C12orf42: variants seen among roughly 807,000 people sequenced by gnomAD.
The protein encoded by C12orf42 is chromosome 12 open reading frame 42, also known as uncharacterized protein C12orf42.
In C12orf42, 25 loss-of-function variants were observed where a neutral mutation model predicts 21.6. The ratio of observed to expected loss-of-function variants is 1.16; its 90% CI spans 0.84 to 1.62. C12orf42 has a LOEUF of 1.62. C12orf42 is among the 40% of genes most tolerant of loss of function. The pLI, the probability that C12orf42 is intolerant of heterozygous loss-of-function variation, is 0.00. For synonymous variants in C12orf42, 174 were observed against 175.0 expected, an observed-to-expected ratio of 0.99 and a Z score of 0.05; for missense variants, 483 against 459.3, an observed-to-expected ratio of 1.05 and a Z score of -0.47.
intron 3 of C12orf42, among the ~76,000 whole-genome samples, chr12:103,394,935 A>G (rs2047389449): frequency 6.6e-6 from 1 of 152,206 alleles, no homozygotes; most frequent in South Asian, 2.1e-4. Context: ...AACTAAACAC[A>G]GCAATAGAAA....
chr12:103,301,186 A>C (rs1011746981), downstream of C12orf42, among the ~76,000 whole-genome samples: 1 of 152,190 alleles, frequency 6.6e-6, no homozygotes, highest in Admixed American at 6.5e-5. Context: ...ACTGAAGAAA[A>C]AAAAATTTTT....
downstream of C12orf42, among the ~76,000 whole-genome samples, chr12:103,301,600 A>C (rs34757555): frequency 4.6e-3 from 707 of 152,320 alleles, 1 homozygote; most frequent in Admixed American, 6.9e-3. Flanking sequence ...GGTTTCTGAC[A>C]TTAAATCCTT....
At chr12:103,070,638 A>G in the C12orf42 span, among the ~76,000 whole-genome samples, 2 of 152,140 alleles carry the variant, frequency 1.3e-5, no homozygotes, top group African/African-American at 4.8e-5. Context: ...TCATACGACC[A>G]CAAATTGTTC....
the C12orf42 span, among the ~76,000 whole-genome samples, chr12:103,104,817 C>G: frequency 6.6e-6 from 1 of 152,212 alleles, no homozygotes; most frequent in African/African-American, 2.4e-5. Flanking sequence ...CCTGAGGCAT[C>G]CACATAAGGT....
intron 4 of C12orf42, among the ~76,000 whole-genome samples, chr12:103,318,769 CCA>C (rs1233655936): frequency 6.6e-6 from 1 of 152,120 alleles, no homozygotes; most frequent in Non-Finnish European, 1.5e-5. Context: ...CTTGGAGAAT[CCA>C]CAATGTCAAT....
At chr12:103,433,124 T>C (rs1179671851) in intron 2 of C12orf42, among the ~76,000 whole-genome samples, 5 of 152,212 alleles carry the variant, frequency 3.3e-5, no homozygotes, top group East Asian at 1.9e-4. Context: ...CAGTAGGATA[T>C]AGATACATTT....
chr12:103,272,268 C>A (rs1010817572), intron 5 of C12orf42, among the ~76,000 whole-genome samples: 1 of 152,048 alleles, frequency 6.6e-6, no homozygotes, highest in Non-Finnish European at 1.5e-5. Flanking sequence ...ATTATGTTGG[C>A]ATTAAAGGAG....
At chr12:103,549,260 C>G in the C12orf42 span, among the ~76,000 whole-genome samples, 1 of 152,038 alleles carries the variant, frequency 6.6e-6, no homozygotes, top group East Asian at 1.9e-4. Flanking sequence ...TTATTTTTTT[C>G]TCAACTTTTT....
At chr12:103,547,631 C>T in the C12orf42 span, among the ~76,000 whole-genome samples, 1 of 152,232 alleles carries the variant, frequency 6.6e-6, no homozygotes, top group African/African-American at 2.4e-5. Flanking sequence ...TGATCTGCTT[C>T]AGGGGCTGAA....
At chr12:103,417,624 T>C (rs563993947) in intron 2 of C12orf42, among the ~76,000 whole-genome samples, 2 of 152,218 alleles carry the variant, frequency 1.3e-5, no homozygotes, top group African/African-American at 2.4e-5. Context: ...CAATCTTAAT[T>C]ACCTAAGAGA....
chr12:103,435,626 C>T (rs928851048), intron 2 of C12orf42, among the ~76,000 whole-genome samples: 5 of 151,746 alleles, frequency 3.3e-5, no homozygotes, highest in Non-Finnish European at 2.9e-5. Context: ...GGAGCCGATG[C>T]GATCAACTGG....
At chr12:103,311,197 C>CGT (rs143631316) in intron 4 of C12orf42, among the ~76,000 whole-genome samples, 113 of 150,854 alleles carry the variant, frequency 7.5e-4, no homozygotes, top group African/African-American at 2.4e-3. Flanking sequence ...TATGCATGTG[C>CGT]GTGTGTGTGT....
the C12orf42 span, among the ~76,000 whole-genome samples, chr12:103,126,319 T>C: frequency 6.6e-6 from 1 of 152,228 alleles, no homozygotes; most frequent in African/African-American, 2.4e-5. Flanking sequence ...AGCTCTGGCA[T>C]TTTCCGTGTC....
At chr12:103,099,283 A>G in the C12orf42 span, among the ~76,000 whole-genome samples, 1 of 152,260 alleles carries the variant, frequency 6.6e-6, no homozygotes, top group Non-Finnish European at 1.5e-5. Context: ...TGTGATGTGG[A>G]TTACCTAACT....
chr12:103,399,377 T>G (rs778334408), intron 3 of C12orf42, among the ~76,000 whole-genome samples: 8 of 152,114 alleles, frequency 5.3e-5, no homozygotes, highest in Middle Eastern at 3.4e-3. Flanking sequence ...GTTTATTTGT[T>G]TGTTTGTTTG....
the C12orf42 span, among the ~76,000 whole-genome samples, chr12:103,562,812 A>G: frequency 1.3e-5 from 2 of 152,088 alleles, no homozygotes; most frequent in Non-Finnish European, 2.9e-5. Context: ...ACTCCCTTCC[A>G]CACCTCACCT....
At chr12:103,250,617 G>A (rs1427949088) in intron 10 of C12orf42, among the ~76,000 whole-genome samples, 3 of 152,100 alleles carry the variant, frequency 2.0e-5, no homozygotes, top group Non-Finnish European at 4.4e-5. Flanking sequence ...GAGGATAAAA[G>A]CAAATTAAAC....
intron 4 of C12orf42, among the ~76,000 whole-genome samples, chr12:103,309,311 T>A (rs987730199): frequency 7.2e-5 from 11 of 152,166 alleles, no homozygotes; most frequent in African/African-American, 2.7e-4. Flanking sequence ...CAGACAAAGA[T>A]GAAGACTTTT....
At chr12:103,553,560 A>G in the C12orf42 span, among the ~76,000 whole-genome samples, 1 of 152,218 alleles carries the variant, frequency 6.6e-6, no homozygotes, top group Non-Finnish European at 1.5e-5. Context: ...ACAGGAAAAA[A>G]ACAATTTCAT....
Sources: gnomAD v4.1 joint callset for allele counts (sites outside exome capture counted in the v4.1 genomes callset) on GRCh38, gnomAD v4.1.1 for gene constraint, MANE v1.5 for transcripts, NCBI Gene and HGNC (gene_info 2026-07-23, HGNC 2026-07-21) for gene names.